The following MAST1 variants were observed in gnomAD, a reference collection of about 807,000 sequenced individuals.
The protein encoded by MAST1 is microtubule-associated serine/threonine-protein kinase 1.
Under a neutral mutation model 124.6 loss-of-function variants are expected in MAST1, and 40 were observed. That is an observed-to-expected ratio of 0.32 (90% CI 0.25 to 0.42). The LOEUF (loss-of-function observed/expected upper bound fraction) is 0.42, where lower values mean the gene tolerates loss of function less well. Ranked by LOEUF, MAST1 falls within the 10% of genes least tolerant of loss-of-function variation. The pLI is 1.00. For synonymous variants in MAST1, 938 were observed against 939.4 expected, an observed-to-expected ratio of 1.00 and a Z score of 0.03; for missense variants, 1,558 against 2,181.9, an observed-to-expected ratio of 0.71 and a Z score of 5.70.
intron 12 of MAST1, among the ~76,000 whole-genome samples, chr19:12,861,733 C>T (rs1462873798): frequency 6.9e-5 from 9 of 130,032 alleles, no homozygotes; most frequent in Admixed American, 5.2e-4. Context: ...GATAGAGTCT[C>T]GTTCTGTTGC....
In MAST1 at chr19:12,867,557, C is replaced by T. The variant is rs1364236418; in HGVS notation, c.2223C>T (p.Ser741=). The change falls in exon 19 of 26, where the codon AGC becomes AGT. Residue 741 remains serine, a synonymous_variant. Transcript: ENST00000251472. ...AAAGSSKREP[S]TKGPEEKVAG... The stretch of plus-strand genomic sequence containing the variant: ...CAGGGAGCAGCAAGCGGGAGCCGAG[C>T]ACCAAGGGCCCCGAGGAGAAGGTGG... 6.2e-7 allele frequency: 1 copy of T among 1,613,620 alleles called. No homozygotes were observed.
chr19:12,845,714 T>C (rs1422822896), intron 4 of MAST1, among the ~76,000 whole-genome samples: 7 of 144,944 alleles, frequency 4.8e-5, no homozygotes, highest in Non-Finnish European at 7.5e-5. Flanking sequence ...TGGAGTGCAA[T>C]GGCACCGTGC....
rs1970148873 is a variant in MAST1, at chr19:12,865,942, T to C, written c.1907-38T>C. On this transcript the variant is annotated intron_variant, in intron 16 of 25. Transcript: ENST00000251472. The surrounding 1 kb of genome is among the most constrained non-coding windows in gnomAD (Gnocchi z 7.1). ...TGGGGGGCGGGGCTGGGCTGCTGGGTTGGCCATCAGCTGTGGCTGGAATCC... is the reference window on the plus strand; with the variant it reads ...TGGGGGGCGGGGCTGGGCTGCTGGGCTGGCCATCAGCTGTGGCTGGAATCC... The C allele has an allele frequency of 6.2e-7, 1 of 1,610,296 alleles. No individual in the cohort carries two copies. Among genetic ancestry groups the C allele is most frequent in the African/African-American group, 1.3e-5 (1 of 74,206 alleles).
chr19:12,847,477 A>G lies in MAST1; in HGVS notation c.488+27A>G. On this transcript the variant is annotated intron_variant, in intron 5 of 25. Coordinates refer to ENST00000251472, the MANE Select transcript of MAST1 (RefSeq NM_014975.3). The surrounding 1 kb of genome is among the most constrained non-coding windows in gnomAD (Gnocchi z 5.5). ...TGGGCAGGCATCCCTCCTCCTTCGT[A>G]CCAAGCTAGTGGTCTTAGGACTTGT... is the stretch of plus-strand genomic sequence containing the variant. 6.2e-7 allele frequency: 1 copy of G among 1,612,910 alleles called. No homozygotes were observed. The highest frequency in any genetic ancestry group is 8.5e-7 in the Non-Finnish European group (1 of 1,179,616).
rs1970275945 is a variant in MAST1 at position 12,874,016 on chromosome 19, C to A, written c.3859C>A (p.Leu1287Ile). Reference sequence around the variant, plus strand: ...GAAGGGCGCGCTGCGCAAACACAGCCTCGAGGTGGGCCACCCGGATTTCCG... The same window carrying A: ...GAAGGGCGCGCTGCGCAAACACAGCATCGAGGTGGGCCACCCGGATTTCCG... ...DKKGALRKHS[L>I]EVGHPDFRKD... Residue 1287 changes from leucine to isoleucine, a missense_variant, in exon 26 of 26, where the codon CTC (leucine) becomes ATC (isoleucine). Transcript: ENST00000251472. The surrounding 1 kb of genome is among the most constrained non-coding windows in gnomAD (Gnocchi z 6.6). 2 of 1,606,074 alleles carry A rather than the reference C, an allele frequency of 1.2e-6. No individual in the cohort carries two copies. Among genetic ancestry groups the A allele is most frequent in the East Asian group, 4.5e-5 (2 of 44,778 alleles).
intron 10 of MAST1, among the ~76,000 whole-genome samples, chr19:12,856,166 A>G (rs1350862863): frequency 1.3e-5 from 2 of 152,110 alleles, no homozygotes; most frequent in Non-Finnish European, 2.9e-5. Flanking sequence ...TGTAATATCT[A>G]TGTAATAAAT....
intron 7 of MAST1, 150 bp downstream of exon 7, chr19:12,848,207 T>TCCGG (rs1969920413): frequency 2.9e-6 from 2 of 682,536 alleles, no homozygotes. Flanking sequence ...GTGGAAGTGG[T>TCCGG]CCCTTCCCTA....
chr19:12,874,104 C>T lies in MAST1; in HGVS notation c.3947C>T (p.Pro1316Leu). 6.4e-7 allele frequency: 1 copy of T among 1,555,710 alleles called. No homozygotes were observed. The highest frequency in any genetic ancestry group is 8.7e-7 in the Non-Finnish European group (1 of 1,152,894). ...GCCGAGTCCGACGGTGAGACGCCCC[C>T]AGTCGAGGGCCTTGGCGCGCCCCGG... ...SLAESDGETP[P>L]VEGLGAPRQV... Residue 1316 changes from proline to leucine, a missense_variant, in exon 26 of 26, where the codon CCA becomes CTA. Pro to Leu is a moderately conservative substitution (Grantham distance 98). Transcript: ENST00000251472. The surrounding 1 kb of genome is among the most constrained non-coding windows in gnomAD (Gnocchi z 6.6).
intron 10 of MAST1, among the ~76,000 whole-genome samples, chr19:12,857,694 G>C (rs143585483): frequency 6.6e-6 from 1 of 152,136 alleles, no homozygotes; most frequent in Non-Finnish European, 1.5e-5. Context: ...TTACAGGCGT[G>C]AGCCACCGCT....
At chr19:12,850,012 G>C (rs1362821542) in intron 7 of MAST1, among the ~76,000 whole-genome samples, 1 of 151,822 alleles carries the variant, frequency 6.6e-6, no homozygotes, top group African/African-American at 2.4e-5. Flanking sequence ...TGGCCAGGCT[G>C]GTCTCTAACT....
chr19:12,851,895 G>A (rs369559178), intron 7 of MAST1, 39 bp from the exon 8 acceptor site: 176 of 1,511,998 alleles, frequency 1.2e-4, no homozygotes, highest in Non-Finnish European at 1.6e-4. Flanking sequence ...CTGAGGCAGA[G>A]TGCCTATGAG....
At chr19:12,839,683 G>A (rs1301243436) in intron 1 of MAST1, among the ~76,000 whole-genome samples, 1 of 152,190 alleles carries the variant, frequency 6.6e-6, no homozygotes, top group Admixed American at 6.5e-5. Flanking sequence ...GTCACACCCA[G>A]ACGGAAGGAC....
chr19:12,867,384 GT>G, intron 18 of MAST1, 89 bp from the exon 19 acceptor site: 1 of 1,488,486 alleles, frequency 6.7e-7, no homozygotes, highest in Admixed American at 1.7e-5. Flanking sequence ...GGTGGAGTGC[GT>G]TTTGCGGGGG....
intron 20 of MAST1, among the ~76,000 whole-genome samples, chr19:12,868,300 G>C (rs1970188237): frequency 1.3e-5 from 2 of 151,216 alleles, no homozygotes; most frequent in South Asian, 4.2e-4. Context: ...GTAGAGACAG[G>C]GTTTCTTCAT....
At chr19:12,873,148 G>A (rs1300470013) in intron 24 of MAST1, 176 bp from the exon 25 acceptor site, 5 of 629,682 alleles carry the variant, frequency 7.9e-6, no homozygotes, top group Non-Finnish European at 1.4e-5. Flanking sequence ...GACTGAAGTG[G>A]GAGGAGCCAA....
At position 12,847,199 on chromosome 19, in the gene MAST1, G is replaced by T; in HGVS notation, c.328-91G>T. On this transcript the variant is annotated intron_variant, in intron 4 of 25. Transcript: ENST00000251472. This position sits in a 1 kb window ranked among gnomAD's most constrained non-coding sequence, Gnocchi z 5.5. ...GGTCCTGATCCTGGCCTTGCCCAGTGACCCCATCGGCTTTGGGAGTCCCAG... is the reference window on the plus strand; with the variant it reads ...GGTCCTGATCCTGGCCTTGCCCAGTTACCCCATCGGCTTTGGGAGTCCCAG... 1.3e-6 allele frequency: 1 copy of T among 797,210 alleles called. No homozygotes were observed. The highest frequency in any genetic ancestry group is 1.6e-5 in the South Asian group (1 of 62,484). The allele number at this position is 797,210 out of a possible 1,614,324, so 49.4% of individuals were successfully genotyped here. A position where few individuals can be genotyped will look rare whatever the true frequency, so the allele number is the denominator to read the frequency against.
At chr19:12,861,063 CATTT>C (rs939236254) in intron 12 of MAST1, among the ~76,000 whole-genome samples, 1 of 151,724 alleles carries the variant, frequency 6.6e-6, no homozygotes, top group African/African-American at 2.4e-5. Context: ...GAGATAAGGA[CATTT>C]ATTTATTTAT....
chr19:12,867,059 CG>C (rs1232302575), intron 18 of MAST1, among the ~76,000 whole-genome samples: 2 of 152,042 alleles, frequency 1.3e-5, no homozygotes, highest in Non-Finnish European at 2.9e-5. Flanking sequence ...AGGCCAGCAG[CG>C]AAGGCGGAGT....
chr19:12,868,104 T>A lies in MAST1; in HGVS notation c.2566+127T>A, dbSNP rs1416192207. ...GTCCTATTCACATTGCAATTTGGGA[T>A]TTTTTTTTTTTTTTTTTTTTTTGAG... On this transcript the variant is annotated intron_variant, in intron 20 of 25. Transcript: ENST00000251472. 36 of 115,232 alleles carry A rather than the reference T, an allele frequency of 3.1e-4. No individual in the cohort carries two copies. In the African/African-American group the frequency reaches 3.5e-3, roughly 11 times the overall value. 7.1% of individuals were successfully genotyped at this position (115,232 alleles called of 1,614,324 possible). A position where few individuals can be genotyped will look rare whatever the true frequency, so the allele number is the denominator to read the frequency against.
Sources: allele counts gnomAD v4.1 joint callset (sites outside exome capture counted in the v4.1 genomes callset), GRCh38; gene constraint gnomAD v4.1.1; non-coding constraint Gnocchi (gnomAD v3.1); transcripts MANE v1.5; gene names NCBI Gene and HGNC (gene_info 2026-07-23, HGNC 2026-07-21).